PTPRE: variants seen among roughly 807,000 people sequenced by gnomAD.
PTPRE encodes the protein receptor-type tyrosine-protein phosphatase epsilon.
A neutral mutation model predicts 102.0 loss-of-function variants in PTPRE; 51 were observed. The observed-to-expected ratio is 0.50, with a 90% CI of 0.40 to 0.63. The LOEUF (loss-of-function observed/expected upper bound fraction) is 0.63. PTPRE is among the 30% of genes least tolerant of loss of function. The pLI, the probability that PTPRE is intolerant of heterozygous loss-of-function variation, is 0.00. For missense variants in PTPRE, 752 were observed against 915.1 expected, an observed-to-expected ratio of 0.82 and a Z score of 2.30; for synonymous variants, 345 against 348.2, an observed-to-expected ratio of 0.99 and a Z score of 0.10.
At chr10:128,035,256 C>CG (rs1349906383) in intron 2 of PTPRE, among the ~76,000 whole-genome samples, 20 of 150,262 alleles carry the variant, frequency 1.3e-4, no homozygotes, top group African/African-American at 4.9e-4. Context: ...AAAAAGTTTT[C>CG]TTAAAAACAT....
intron 2 of PTPRE, among the ~76,000 whole-genome samples, chr10:128,015,030 G>A (rs1654727308): frequency 6.6e-6 from 1 of 152,154 alleles, no homozygotes; most frequent in Non-Finnish European, 1.5e-5. Flanking sequence ...GGACTCCTCT[G>A]ATTCTAAATA....
At chr10:127,950,986 T>A (rs184290229) in intron 1 of PTPRE, among the ~76,000 whole-genome samples, 2,480 of 151,984 alleles carry the variant, frequency 0.016, 58 homozygotes, top group African/African-American at 0.056. Flanking sequence ...AGTCCCAGCT[T>A]CTTGAGAGGC....
intron 5 of PTPRE, among the ~76,000 whole-genome samples, 195 bp downstream of exon 5, chr10:128,048,032 G>A (rs1848246966): frequency 6.6e-6 from 1 of 152,108 alleles, no homozygotes; most frequent in Admixed American, 6.5e-5. Context: ...TTTTCTCTCG[G>A]GTGTGACATG....
chr10:127,967,932 A>G (rs1192032020), intron 1 of PTPRE, among the ~76,000 whole-genome samples: 1 of 152,018 alleles, frequency 6.6e-6, no homozygotes, highest in East Asian at 1.9e-4. Context: ...TTGAATACCT[A>G]CTATGTGCAA....
intron 2 of PTPRE, among the ~76,000 whole-genome samples, chr10:128,022,892 A>AC (rs1420583889): frequency 3.0e-4 from 45 of 152,254 alleles, no homozygotes; most frequent in Non-Finnish European, 5.6e-4. Flanking sequence ...TTGGAATTGT[A>AC]GTAATTTTGA....
At position 128,079,715 on chromosome 10, in the gene PTPRE, T is replaced by C; in HGVS notation, c.2028+20T>C. The C allele has an allele frequency of 1.2e-6, 2 of 1,605,168 alleles. No homozygotes were observed. Among genetic ancestry groups the C allele is most frequent in the Admixed American group, 1.7e-5 (1 of 59,758 alleles). ...ACCCTGGTAAGAATCTGAATAAGGATGTTACCAGAAGAGTGGAGAATTATT... is the reference window on the plus strand; with the variant it reads ...ACCCTGGTAAGAATCTGAATAAGGACGTTACCAGAAGAGTGGAGAATTATT... On this transcript the variant is annotated intron_variant, in intron 20 of 20. Transcript: ENST00000254667.
chr10:127,925,051 A>G (rs1047355795), intron 1 of PTPRE, among the ~76,000 whole-genome samples: 9 of 152,158 alleles, frequency 5.9e-5, no homozygotes, highest in African/African-American at 2.2e-4. Context: ...AAGGTTGGCA[A>G]TTTTGCCCCA....
intron 2 of PTPRE, among the ~76,000 whole-genome samples, chr10:128,024,546 C>T (rs914716054): frequency 4.6e-5 from 7 of 152,290 alleles, no homozygotes; most frequent in South Asian, 2.1e-4. Flanking sequence ...ATTGGAATTA[C>T]GCAAATTAGA....
chr10:128,047,841 C>G lies in PTPRE; in HGVS notation c.283+4C>G. On this transcript the variant is annotated splice_donor_region_variant and intron_variant, in intron 5 of 20. Transcript: ENST00000254667. ...AACGGAATCTTGGAGGAGCAAGGTA[C>G]AGAAGCTGCTCTCTGGCTGGGGCTT... is the stretch of plus-strand genomic sequence containing the variant. 6.3e-7 allele frequency: 1 copy of G among 1,583,920 alleles called. No homozygotes were observed. Among genetic ancestry groups the G allele is most frequent in the Non-Finnish European group, 8.6e-7 (1 of 1,159,938 alleles).
chr10:127,909,087 G>A (rs1845686329), intron 1 of PTPRE, among the ~76,000 whole-genome samples: 2 of 152,244 alleles, frequency 1.3e-5, no homozygotes, highest in South Asian at 4.1e-4. Flanking sequence ...ACAGCTGGCA[G>A]AGAGAGATGC....
chr10:128,053,540 G>C (rs902758531), intron 6 of PTPRE, among the ~76,000 whole-genome samples: 1 of 152,172 alleles, frequency 6.6e-6, no homozygotes, highest in Non-Finnish European at 1.5e-5. Context: ...TGGTTATTCT[G>C]TGCACTTGGA....
chr10:127,968,156 C>T (rs902315777), intron 1 of PTPRE, among the ~76,000 whole-genome samples: 1 of 152,090 alleles, frequency 6.6e-6, no homozygotes, highest in Admixed American at 6.6e-5. Flanking sequence ...TGCTGCCATG[C>T]AAATGTCATT....
At chr10:127,997,912 G>A (rs1161784718) in intron 2 of PTPRE, among the ~76,000 whole-genome samples, 4 of 152,156 alleles carry the variant, frequency 2.6e-5, no homozygotes, top group East Asian at 3.8e-4. Context: ...CAGCAGACAC[G>A]GACACTTCCA....
intron 2 of PTPRE, among the ~76,000 whole-genome samples, chr10:128,038,876 G>A (rs1847445290): frequency 6.6e-6 from 1 of 152,184 alleles, no homozygotes. Flanking sequence ...GAATTCTGCA[G>A]GTTGTCGCCC....
In PTPRE at chr10:127,977,454, G is replaced by A. The variant is rs566549078; in HGVS notation, c.-30-4820G>A. Among the ~76,000 whole-genome samples the A allele has an allele frequency of 2.6e-5, 4 of 152,254 alleles. No homozygotes were observed. The East Asian group carries it at 7.7e-4, about 29-fold the overall frequency. Reference sequence around the variant, plus strand: ...TGCTACTCGTTTAAAAGACTAGCTTGGAGATACGCATGCTACACAAGCCAC... The same window carrying A: ...TGCTACTCGTTTAAAAGACTAGCTTAGAGATACGCATGCTACACAAGCCAC... On this transcript the variant is annotated intron_variant, in intron 1 of 20. Coordinates refer to ENST00000254667, the MANE Select transcript of PTPRE (RefSeq NM_006504.6).
Position 128,082,683 on chromosome 10 carries a change from C to G in PTPRE, c.2029-149C>G, listed in dbSNP as rs563822992. The G allele has an allele frequency of 6.7e-6, 6 of 893,514 alleles. No individual in the cohort carries two copies. In the Admixed American group the frequency reaches 2.4e-4, roughly 36 times the overall value. 55.3% of individuals were successfully genotyped at this position (893,514 alleles called of 1,614,324 possible). On this transcript the variant is annotated intron_variant, in intron 20 of 20. Transcript: ENST00000254667. ...GCTTTATTTGGAATTCTGCATGTGC[C>G]TAAAAACTAAATTACGATGTGCATA...
chr10:127,932,006 A>G (rs1223387696), intron 1 of PTPRE, among the ~76,000 whole-genome samples: 1 of 152,214 alleles, frequency 6.6e-6, no homozygotes, highest in East Asian at 1.9e-4. Context: ...TCTTTAAGTC[A>G]AGTTTCAATA....
At chr10:127,975,251 C>T (rs1589877660) in intron 1 of PTPRE, among the ~76,000 whole-genome samples, 1 of 152,132 alleles carries the variant, frequency 6.6e-6, no homozygotes. Flanking sequence ...GGTGTCTGCC[C>T]GACTTGATGC....
chr10:128,016,311 A>G (rs1425674982), intron 2 of PTPRE, among the ~76,000 whole-genome samples: 1 of 152,166 alleles, frequency 6.6e-6, no homozygotes, highest in Non-Finnish European at 1.5e-5. Context: ...AGTCAGCGGG[A>G]CCCAATTTGC....
Sources: gnomAD v4.1 joint callset for allele counts (sites outside exome capture counted in the v4.1 genomes callset) on GRCh38, gnomAD v4.1.1 for gene constraint, MANE v1.5 for transcripts, NCBI Gene and HGNC (gene_info 2026-07-23, HGNC 2026-07-21) for gene names.